ANK2: variants seen among roughly 807,000 people sequenced by gnomAD.
ANK2 encodes ankyrin 2.
ANK2 carries 83 observed loss-of-function variants against 360.5 expected under a neutral mutation model. The observed-to-expected ratio is 0.23, with a 90% CI of 0.19 to 0.28. The LOEUF (loss-of-function observed/expected upper bound fraction) is 0.28, where lower values mean the gene tolerates loss of function less well. ANK2 is among the 10% of genes least tolerant of loss of function. The pLI is 1.00. For synonymous variants in ANK2, 1,740 were observed against 1,759.5 expected (o/e 0.99, Z 0.28); for missense variants, 4,201 against 4,795.7 (o/e 0.88, Z 3.66).
At chr4:112,884,729 A>G (rs1286203458) in intron 1 of ANK2, among the ~76,000 whole-genome samples, 1 of 152,090 alleles carries the variant, frequency 6.6e-6, no homozygotes, top group Non-Finnish European at 1.5e-5. Flanking sequence ...TATTTTGCTT[A>G]TATTTTTTCC....
chr4:113,293,518 G>A lies in ANK2; in HGVS notation c.2455G>A (p.Glu819Lys), dbSNP rs1410953130. 1 of 1,613,364 alleles carries A rather than the reference G, an allele frequency of 6.2e-7. No homozygotes were observed. The highest frequency in any genetic ancestry group is 1.7e-5 in the Admixed American group (1 of 59,992). The change falls in exon 22 of 46, where the codon GAG becomes AAG. Residue 819 changes from glutamate to lysine, a missense_variant. Physicochemically the swap from Glu to Lys is moderately conservative, Grantham distance 56. Around this residue, in one of 4 missense-constraint regions of ANK2, gnomAD observed 1,268 missense variants for 1,650.8 expected, o/e 0.77. Coordinates refer to ENST00000357077, the MANE Select transcript of ANK2 (RefSeq NM_001148.6). The stretch of plus-strand genomic sequence containing the variant: ...CGACACCCTGAAGGTTGTGACTGAG[G>A]AGGTCACCACCACCACCACAGTGAG... Reference protein sequence around the residue: ...VVDTLKVVTEEVTTTTTTITE... With the variant: ...VVDTLKVVTEKVTTTTTTITE...
At chr4:113,316,905 T>C (rs1411231608) in intron 24 of ANK2, among the ~76,000 whole-genome samples, 1 of 152,242 alleles carries the variant, frequency 6.6e-6, no homozygotes, top group Non-Finnish European at 1.5e-5. Context: ...TTTTGGTCAG[T>C]GGCCATTGGC....
At chr4:112,881,573 C>CTATT (rs1013051754) in intron 1 of ANK2, 2 of 271,292 alleles carry the variant, frequency 7.4e-6, no homozygotes, top group African/African-American at 4.4e-5. Context: ...CATGATCAGA[C>CTATT]TATTACATTT....
upstream of ANK2, among the ~76,000 whole-genome samples, chr4:113,048,322 T>G: frequency 7.6e-6 from 1 of 131,048 alleles, no homozygotes; most frequent in East Asian, 2.4e-4. Flanking sequence ...GGCGGAGTCT[T>G]GCTCTGTCAC....
At chr4:112,935,378 T>C (rs2093641576) in intron 2 of ANK2, among the ~76,000 whole-genome samples, 1 of 152,256 alleles carries the variant, frequency 6.6e-6, no homozygotes, top group Non-Finnish European at 1.5e-5. Context: ...TTTGAATCAC[T>C]ATTCTTTGAG....
At chr4:113,253,212 A>G (rs2047425454) in intron 10 of ANK2, among the ~76,000 whole-genome samples, 1 of 152,106 alleles carries the variant, frequency 6.6e-6, no homozygotes, top group South Asian at 2.1e-4. Context: ...GGGACATTAC[A>G]TTCTTCTGAC....
the ANK2 span, chr4:112,798,010 C>A: frequency 6.1e-6 from 1 of 165,176 alleles, no homozygotes. Context: ...TCCATCACTG[C>A]TATACCGTTC....
rs28501091 is a variant in ANK2, at chr4:113,030,316, C to T, written c.21+125802C>T. Among the ~76,000 whole-genome samples the T allele has an allele frequency of 6.6e-3, 1,010 of 152,166 alleles. 11 individuals are homozygous for T. Among genetic ancestry groups the T allele is most frequent in the African/African-American group, 0.023 (969 of 41,548 alleles). On this transcript the variant is annotated intron_variant, in intron 2 of 30. Coordinates refer to the ANK2 transcript ENST00000503271. ...GGTGGTCATCTCTAGCCTGAATGAA[C>T]TGTTTAACAAGGAGAATGTTTGACA...
intron 2 of ANK2, among the ~76,000 whole-genome samples, chr4:112,982,998 A>G (rs990992819): frequency 5.9e-5 from 9 of 152,322 alleles, no homozygotes; most frequent in African/African-American, 2.2e-4. Flanking sequence ...CATGGCAACC[A>G]GTGCATCTGA....
intron 1 of ANK2, among the ~76,000 whole-genome samples, chr4:112,846,646 C>A (rs1438901546): frequency 6.6e-6 from 1 of 152,048 alleles, no homozygotes; most frequent in Admixed American, 6.6e-5. Context: ...CTCTGCTCAC[C>A]TTTTAGACAT....
At position 113,332,956 on chromosome 4, in the gene ANK2, A is replaced by C. The variant is rs187622801; in HGVS notation, c.3225-98A>C. On this transcript the variant is annotated intron_variant, in intron 28 of 45. Coordinates refer to ENST00000357077, the MANE Select transcript of ANK2 (RefSeq NM_001148.6). Reference sequence around the variant, plus strand: ...GCCCACTATGTCCCTGTCCCCAGCAAAAGAAGAATTCCAGGTCACTTTGCA... The same window carrying C: ...GCCCACTATGTCCCTGTCCCCAGCACAAGAAGAATTCCAGGTCACTTTGCA... 199 of 1,573,856 alleles carry C rather than the reference A, an allele frequency of 1.3e-4. 2 individuals are homozygous for C. Among genetic ancestry groups the C allele is most frequent in the Non-Finnish European group, 9.6e-6 (11 of 1,148,942 alleles).
intron 45 of ANK2, among the ~76,000 whole-genome samples, chr4:113,381,229 T>C (rs1284032984): frequency 6.6e-6 from 1 of 150,786 alleles, no homozygotes; most frequent in East Asian, 1.9e-4. Flanking sequence ...AAAATACTCC[T>C]TGTTCCAAAA....
intron 2 of ANK2, among the ~76,000 whole-genome samples, chr4:113,192,616 A>G (rs78837173): frequency 0.019 from 2,845 of 152,314 alleles, 42 homozygotes; most frequent in South Asian, 0.035. Context: ...TCTTCCTCTT[A>G]TAAGTGGTAG....
chr4:113,277,802 A>G, intron 15 of ANK2, 35 bp from the exon 16 acceptor site: 1 of 1,531,156 alleles, frequency 6.5e-7, no homozygotes, highest in Non-Finnish European at 9.1e-7. Flanking sequence ...TTACAACAAT[A>G]AATACGATTT....
At chr4:113,095,760 T>C (rs780552341) in intron 1 of ANK2, among the ~76,000 whole-genome samples, 8 of 152,226 alleles carry the variant, frequency 5.3e-5, no homozygotes, top group Non-Finnish European at 7.3e-5. Flanking sequence ...TATAAATACA[T>C]TTGTACTCTA....
chr4:113,100,270 TCAA>T (rs2092606660), intron 1 of ANK2, among the ~76,000 whole-genome samples: 1 of 151,954 alleles, frequency 6.6e-6, no homozygotes, highest in Non-Finnish European at 1.5e-5. Context: ...ATCTTCAAAC[TCAA>T]CAACAAGAAA....
intron 4 of ANK2, among the ~76,000 whole-genome samples, chr4:113,214,699 A>G (rs1023112292): frequency 6.6e-6 from 1 of 152,186 alleles, no homozygotes; most frequent in Non-Finnish European, 1.5e-5. Flanking sequence ...AGGACTTTAA[A>G]TATCCTATCT....
chr4:113,112,872 G>T (rs565056563), intron 1 of ANK2, among the ~76,000 whole-genome samples: 2 of 152,238 alleles, frequency 1.3e-5, no homozygotes, highest in African/African-American at 4.8e-5. Flanking sequence ...TATCCTTTGG[G>T]CATTCTCATT....
At chr4:113,331,097 G>A (rs530339937) in intron 27 of ANK2, among the ~76,000 whole-genome samples, 17 of 152,162 alleles carry the variant, frequency 1.1e-4, no homozygotes, top group African/African-American at 3.9e-4. Flanking sequence ...TGTTTGTACG[G>A]CTGCTGTTAT....
Sources: allele counts gnomAD v4.1 joint callset (sites outside exome capture counted in the v4.1 genomes callset), GRCh38; gene constraint gnomAD v4.1.1; regional missense constraint gnomAD v4.1.1; transcripts MANE v1.5; gene names NCBI Gene and HGNC (gene_info 2026-07-23, HGNC 2026-07-21).